KCNH8: variants seen among roughly 807,000 people sequenced by gnomAD.
KCNH8 encodes the protein voltage-gated delayed rectifier potassium channel KCNH8.
KCNH8 carries 70 observed loss-of-function variants against 103.6 expected under a neutral mutation model. The ratio of observed to expected loss-of-function variants is 0.68; its 90% confidence interval spans 0.56 to 0.82. KCNH8 has a LOEUF of 0.82. KCNH8 is among the 40% of genes least tolerant of loss of function. The probability of loss-of-function intolerance (pLI) is 0.00; values close to 1 mark genes in which losing one functional copy is unlikely to be tolerated. For missense variants in KCNH8, 1,217 were observed against 1,329.9 expected (o/e 0.92, Z 1.32); for synonymous variants, 498 against 489.4 (o/e 1.02, Z -0.23).
chr3:19,429,989 A>C (rs1181350506), intron 7 of KCNH8, among the ~76,000 whole-genome samples: 1 of 152,140 alleles, frequency 6.6e-6, no homozygotes, highest in African/African-American at 2.4e-5. Context: ...GGTTGATTCC[A>C]TGTCTTTGCT....
intron 1 of KCNH8, among the ~76,000 whole-genome samples, chr3:19,184,973 C>T (rs1317607782): frequency 6.6e-6 from 1 of 151,772 alleles, no homozygotes; most frequent in African/African-American, 2.4e-5. Context: ...TTTATATTGG[C>T]AAATAGTAGT....
intron 15 of KCNH8, among the ~76,000 whole-genome samples, chr3:19,521,266 T>A (rs540522988): frequency 3.5e-4 from 54 of 152,116 alleles, no homozygotes; most frequent in South Asian, 1.2e-3. Flanking sequence ...AAACACACTA[T>A]GGAAGAAAGA....
rs528105993 is a variant in KCNH8, at chr3:19,470,501, T to C, written c.2040+13519T>C. Among the ~76,000 whole-genome samples the C allele has an allele frequency of 8.5e-5, 13 of 152,306 alleles. No homozygotes were observed. In the South Asian group the frequency reaches 1.7e-3, roughly 19 times the overall value. On this transcript the variant is annotated intron_variant, in intron 11 of 15. Transcript: ENST00000328405. Reference sequence around the variant, plus strand: ...GCAGAGTAAGGTGGACTTTCTTAGTTGATTCTAGATTCTTGTGTAAAGACT... The same window carrying C: ...GCAGAGTAAGGTGGACTTTCTTAGTCGATTCTAGATTCTTGTGTAAAGACT...
rs1559318835 is a variant in KCNH8, at chr3:19,419,195, G to GTTTT, written c.1178-18950_1178-18947dup. Among the ~76,000 whole-genome samples the GTTTT allele has an allele frequency of 2.8e-4, 36 of 128,726 alleles. 1 individual carries two copies. Among genetic ancestry groups the GTTTT allele is most frequent in the African/African-American group, 7.9e-4 (27 of 34,252 alleles). 84.4% of individuals were successfully genotyped at this position (128,726 alleles called of 152,430 possible). A position where few individuals can be genotyped will look rare whatever the true frequency, so the allele number is the denominator to read the frequency against. On this transcript the variant is annotated intron_variant, in intron 7 of 15. Transcript: ENST00000328405. Reference sequence around the variant, plus strand: ...AAAAGAAGTAATTAAAATGGTTTTGGTTTTTTTTTTTTTTTTTTTTTTGAG... The same window carrying GTTTT: ...AAAAGAAGTAATTAAAATGGTTTTGGTTTTTTTTTTTTTTTTTTTTTTTTTTGAG...
chr3:19,439,427 C>T (rs1232980421), intron 8 of KCNH8, among the ~76,000 whole-genome samples: 2 of 152,162 alleles, frequency 1.3e-5, no homozygotes, highest in South Asian at 2.1e-4. Context: ...AGATGGCAAA[C>T]GTGAGGAGAG....
chr3:19,349,263 C>T (rs982292182), intron 5 of KCNH8, among the ~76,000 whole-genome samples: 3 of 151,952 alleles, frequency 2.0e-5, no homozygotes, highest in Admixed American at 2.0e-4. Flanking sequence ...AAATAACATT[C>T]CAGTTTGAAC....
At chr3:19,284,013 A>T (rs1200327274) in intron 3 of KCNH8, among the ~76,000 whole-genome samples, 1 of 151,910 alleles carries the variant, frequency 6.6e-6, no homozygotes, top group Non-Finnish European at 1.5e-5. Context: ...AAAACACCTT[A>T]AAATTTACCA....
intron 1 of KCNH8, among the ~76,000 whole-genome samples, chr3:19,172,656 A>G (rs1193852635): frequency 3.3e-5 from 5 of 152,192 alleles, no homozygotes; most frequent in Non-Finnish European, 7.3e-5. Context: ...TAACAGTCTT[A>G]TGAGATATTG....
intron 1 of KCNH8, among the ~76,000 whole-genome samples, chr3:19,239,684 ACC>A: frequency 6.6e-6 from 1 of 151,658 alleles, no homozygotes; most frequent in African/African-American, 2.4e-5. Flanking sequence ...CTATCTATCT[ACC>A]TACCTACCTA....
chr3:19,499,297 A>T (rs1273330343), intron 11 of KCNH8, among the ~76,000 whole-genome samples: 1 of 152,210 alleles, frequency 6.6e-6, no homozygotes, highest in Admixed American at 6.5e-5. Context: ...CTGTGAAAAG[A>T]CCAAATCTAC....
chr3:19,399,698 C>G (rs2066580515), intron 7 of KCNH8, among the ~76,000 whole-genome samples: 1 of 151,924 alleles, frequency 6.6e-6, no homozygotes, highest in South Asian at 2.1e-4. Context: ...CACCTCTGCT[C>G]TTATTGTTAA....
chr3:19,349,299 C>T (rs576813467), intron 5 of KCNH8, among the ~76,000 whole-genome samples: 3 of 151,976 alleles, frequency 2.0e-5, no homozygotes, highest in East Asian at 3.9e-4. Flanking sequence ...AAATGGTAGA[C>T]AGATTGGGTG....
chr3:19,492,302 T>G (rs1254606476), intron 11 of KCNH8, among the ~76,000 whole-genome samples: 8 of 152,198 alleles, frequency 5.3e-5, no homozygotes. Context: ...ATATTTATAA[T>G]TTTAGGTCTT....
chr3:19,211,082 T>A (rs565365841), intron 1 of KCNH8, among the ~76,000 whole-genome samples: 1 of 152,294 alleles, frequency 6.6e-6, no homozygotes, highest in Non-Finnish European at 1.5e-5. Context: ...TTTTCATTAG[T>A]TTTCTACATA....
chr3:19,511,142 C>T (rs1054009046), intron 12 of KCNH8, among the ~76,000 whole-genome samples: 6 of 151,888 alleles, frequency 4.0e-5, no homozygotes, highest in African/African-American at 7.3e-5. Flanking sequence ...TATCCCTCCC[C>T]TAGCCCCCCA....
At chr3:19,270,691 C>T (rs2064575836) in intron 2 of KCNH8, among the ~76,000 whole-genome samples, 1 of 152,094 alleles carries the variant, frequency 6.6e-6, no homozygotes. Context: ...CAATCTGGCA[C>T]AGTGTTCACA....
chr3:19,287,288 C>T (rs1410279677), intron 3 of KCNH8, among the ~76,000 whole-genome samples: 1 of 152,012 alleles, frequency 6.6e-6, no homozygotes, highest in South Asian at 2.1e-4. Flanking sequence ...AAAAACGGAA[C>T]CAGACATCAT....
intron 1 of KCNH8, among the ~76,000 whole-genome samples, chr3:19,186,178 A>G (rs974036827): frequency 6.6e-6 from 1 of 151,820 alleles, no homozygotes; most frequent in African/African-American, 2.4e-5. Flanking sequence ...AGGTAAGTCT[A>G]CTGAATCACC....
intron 1 of KCNH8, among the ~76,000 whole-genome samples, chr3:19,232,835 GA>G (rs1308355901): frequency 1.3e-5 from 2 of 152,180 alleles, no homozygotes; most frequent in African/African-American, 4.8e-5. Context: ...ACAGGTCTCA[GA>G]AATAGTTCTT....
Sources: gnomAD v4.1 joint callset for allele counts (sites outside exome capture counted in the v4.1 genomes callset) on GRCh38, gnomAD v4.1.1 for gene constraint, MANE v1.5 for transcripts, NCBI Gene and HGNC (gene_info 2026-07-23, HGNC 2026-07-21) for gene names.